The following ZC3H12D variants were observed in gnomAD, a reference collection of about 807,000 sequenced individuals.
ZC3H12D encodes zinc finger CCCH-type containing 12D, also known as probable ribonuclease ZC3H12D.
ZC3H12D carries 11 observed loss-of-function variants against 24.2 expected under a neutral mutation model. That is an observed-to-expected ratio of 0.46 (90% confidence interval 0.29 to 0.75). ZC3H12D has a LOEUF of 0.75. ZC3H12D is among the 30% of genes least tolerant of loss of function. The pLI, the probability that ZC3H12D is intolerant of heterozygous loss-of-function variation, is 0.11. For missense variants in ZC3H12D, 740 were observed against 767.7 expected (o/e 0.96, Z 0.43); for synonymous variants, 333 against 341.8 (o/e 0.97, Z 0.28).
In ZC3H12D at chr6:149,450,939, G is replaced by A. The variant is rs747649495; in HGVS notation, c.1328C>T (p.Ser443Phe). The change falls in exon 6 of 6, where the codon TCC becomes TTC. Residue 443 changes from serine (S) to phenylalanine (F), a missense_variant. Ser to Phe is a radical substitution (Grantham distance 155). Transcript: ENST00000409806. ...PDDPWARPPR[S>F]DRFPGRSVWA... ...GACGGAGCGCCCAGGGAAGCGGTCGGAGCGGGGTGGACGGGCCCACGGGTC... is the reference window on the plus strand; with the variant it reads ...GACGGAGCGCCCAGGGAAGCGGTCGAAGCGGGGTGGACGGGCCCACGGGTC... 2 of 1,538,954 alleles carry A rather than the reference G, an allele frequency of 1.3e-6. No individual in the cohort carries two copies. The highest frequency in any genetic ancestry group is 2.4e-5 in the South Asian group (2 of 83,896).
Position 149,456,623 on chromosome 6 carries a change from G to GCCCCCCCC in ZC3H12D, c.680+42_680+43insGGGGGGGG. The stretch of plus-strand genomic sequence containing the variant: ...GCCACTGCCTCGACCCCGGCCCCCC[G>GCCCCCCCC]CCCCGCCGCCCCCCAGGGTGTCAGG... On this transcript the variant is annotated intron_variant, in intron 4 of 5. Coordinates refer to ENST00000409806, the MANE Select transcript of ZC3H12D (RefSeq NM_207360.3). This position sits in a 1 kb window ranked among gnomAD's most constrained non-coding sequence, Gnocchi z 4.3. The GCCCCCCCC allele has an allele frequency of 1.3e-5, 10 of 744,580 alleles. No homozygotes were observed. The highest frequency in any genetic ancestry group is 2.0e-5 in the Non-Finnish European group (9 of 456,098). 46.1% of individuals were successfully genotyped at this position (744,580 alleles called of 1,614,324 possible). A position where few individuals can be genotyped will look rare whatever the true frequency, so the allele number is the denominator to read the frequency against.
At chr6:149,454,084 G>T (rs1394865762) in intron 4 of ZC3H12D, among the ~76,000 whole-genome samples, 1 of 152,162 alleles carries the variant, frequency 6.6e-6, no homozygotes, top group Non-Finnish European at 1.5e-5. Context: ...CCACCTCGCA[G>T]ACTTAACCTC....
At chr6:149,482,222 T>G (rs1290345048) in intron 1 of ZC3H12D, among the ~76,000 whole-genome samples, 1 of 152,246 alleles carries the variant, frequency 6.6e-6, no homozygotes, top group Non-Finnish European at 1.5e-5. Flanking sequence ...TTTTTAAAAC[T>G]TCTAAATACG....
At chr6:149,483,187 C>G (rs1243610765) in intron 1 of ZC3H12D, 1 of 152,188 alleles carries the variant, frequency 6.6e-6, no homozygotes, top group Non-Finnish European at 1.5e-5. Flanking sequence ...GAGCTAGAGG[C>G]CCTCAGTGGA....
chr6:149,451,557 G>C lies in ZC3H12D; in HGVS notation c.788-78C>G, dbSNP rs1168059964. ...GGGCGGTGGTTCCTGGTGCATCCGG[G>C]GAGTGCCGGCCCGCGGCCTCTCCGT... On this transcript the variant is annotated intron_variant, in intron 5 of 5. Transcript: ENST00000409806. The C allele has an allele frequency of 2.3e-6, 3 of 1,290,104 alleles. No individual in the cohort carries two copies. In the African/African-American group the frequency reaches 4.7e-5, roughly 20 times the overall value. The allele number at this position is 1,290,104 out of a possible 1,614,324, so 79.9% of individuals were successfully genotyped here. A position where few individuals can be genotyped will look rare whatever the true frequency, so the allele number is the denominator to read the frequency against.
chr6:149,462,447 TCTTC>T (rs1562473907), intron 2 of ZC3H12D, among the ~76,000 whole-genome samples: 1 of 152,064 alleles, frequency 6.6e-6, no homozygotes, highest in African/African-American at 2.4e-5. Context: ...GATAGTTCAT[TCTTC>T]CATTTACAAA....
At chr6:149,476,183 T>A (rs984628334) in intron 1 of ZC3H12D, among the ~76,000 whole-genome samples, 1 of 152,218 alleles carries the variant, frequency 6.6e-6, no homozygotes, top group Non-Finnish European at 1.5e-5. Context: ...CTTATACTTA[T>A]TGCTCAGCAA....
chr6:149,464,133 A>T (rs1210199786), intron 2 of ZC3H12D, among the ~76,000 whole-genome samples: 1 of 152,132 alleles, frequency 6.6e-6, no homozygotes, highest in Non-Finnish European at 1.5e-5. Context: ...GGCTGGAGGA[A>T]CTCTGCGACT....
chr6:149,479,949 T>C (rs1776398899), intron 1 of ZC3H12D, among the ~76,000 whole-genome samples: 1 of 152,060 alleles, frequency 6.6e-6, no homozygotes, highest in South Asian at 2.1e-4. Context: ...AAAGAAGAAA[T>C]CTCGAAGTCC....
At position 149,461,973 on chromosome 6, in the gene ZC3H12D, A is replaced by G; in HGVS notation, c.306-3T>C. Reference sequence around the variant, plus strand: ...AGAAGGTTTCTTTATTTCCATGGCTACAATGGGAAAACAAAGAAATCATAG... The same window carrying G: ...AGAAGGTTTCTTTATTTCCATGGCTGCAATGGGAAAACAAAGAAATCATAG... On this transcript the variant is annotated splice_polypyrimidine_tract_variant and splice_region_variant and intron_variant, in intron 2 of 5. Coordinates refer to ENST00000409806, the MANE Select transcript of ZC3H12D (RefSeq NM_207360.3). The G allele has an allele frequency of 2.5e-6, 4 of 1,609,356 alleles. No individual in the cohort carries two copies. The highest frequency in any genetic ancestry group is 3.4e-6 in the Non-Finnish European group (4 of 1,177,952).
chr6:149,480,549 C>T (rs1412982529), intron 1 of ZC3H12D, among the ~76,000 whole-genome samples: 1 of 152,166 alleles, frequency 6.6e-6, no homozygotes, highest in East Asian at 1.9e-4. Flanking sequence ...CCAGCCTGAC[C>T]AACGTGGAGA....
Position 149,474,624 on chromosome 6 carries a change from A to G in ZC3H12D, c.-70-11T>C. The G allele has an allele frequency of 7.8e-7, 1 of 1,283,698 alleles. No individual in the cohort carries two copies. The highest frequency in any genetic ancestry group is 1.5e-5 in the African/African-American group (1 of 67,094). The allele number at this position is 1,283,698 out of a possible 1,614,324, so 79.5% of individuals were successfully genotyped here. A position where few individuals can be genotyped will look rare whatever the true frequency, so the allele number is the denominator to read the frequency against. Reference sequence around the variant, plus strand: ...CCCTGCAGACATGAGCTAAAGAGAAAAAAAATGCATCCATCAGGTGTTTCC... The same window carrying G: ...CCCTGCAGACATGAGCTAAAGAGAAGAAAAATGCATCCATCAGGTGTTTCC... On this transcript the variant is annotated splice_polypyrimidine_tract_variant and intron_variant, in intron 1 of 5. Transcript: ENST00000409806.
At chr6:149,461,755 ATT>A (rs1776075712) in intron 3 of ZC3H12D, 74 bp downstream of exon 3, 2 of 1,431,680 alleles carry the variant, frequency 1.4e-6, no homozygotes, top group Non-Finnish European at 1.9e-6. Context: ...CTAAGTAGAT[ATT>A]TGACTATCGA....
chr6:149,456,622 C>CCCCCCCCCCCCCCCCCCGGGGGCAAG lies in ZC3H12D; in HGVS notation c.680+43_680+44insCTTGCCCCCGGGGGGGGGGGGGGGGG. On this transcript the variant is annotated intron_variant, in intron 4 of 5. Transcript: ENST00000409806. This position sits in a 1 kb window ranked among gnomAD's most constrained non-coding sequence, Gnocchi z 4.3. ...GGCCACTGCCTCGACCCCGGCCCCC[C>CCCCCCCCCCCCCCCCCCGGGGGCAAG]GCCCCGCCGCCCCCCAGGGTGTCAG... 7.6e-7 allele frequency: 1 copy of CCCCCCCCCCCCCCCCCCGGGGGCAAG among 1,314,360 alleles called. No homozygotes were observed. Among genetic ancestry groups the CCCCCCCCCCCCCCCCCCGGGGGCAAG allele is most frequent in the Non-Finnish European group, 1.1e-6 (1 of 921,308 alleles). The allele number at this position is 1,314,360 out of a possible 1,614,324, so 81.4% of individuals were successfully genotyped here. A position where few individuals can be genotyped will look rare whatever the true frequency, so the allele number is the denominator to read the frequency against.
chr6:149,456,778 G>C lies in ZC3H12D; in HGVS notation c.568C>G (p.Gln190Glu), dbSNP rs200917878. Reference sequence around the variant, plus strand: ...TCGTTGGAGACGATGACGCCGTCCTGCTCGTAGGCCACCTTCACGATGTAG... The same window carrying C: ...TCGTTGGAGACGATGACGCCGTCCTCCTCGTAGGCCACCTTCACGATGTAG... ...DRYIVKVAYEQDGVIVSNDNY... is the reference protein window; with the variant it reads ...DRYIVKVAYEEDGVIVSNDNY... The change falls in exon 4 of 6, where the codon CAG (glutamine) becomes GAG (glutamate). Residue 190 changes from glutamine (Q) to glutamate (E), a missense_variant. Physicochemically the swap from Gln to Glu is conservative, Grantham distance 29 (BLOSUM62 2). Transcript: ENST00000409806. This position sits in a 1 kb window ranked among gnomAD's most constrained non-coding sequence, Gnocchi z 4.3. 2 of 1,613,714 alleles carry C rather than the reference G, an allele frequency of 1.2e-6. No homozygotes were observed. The highest frequency in any genetic ancestry group is 2.2e-5 in the South Asian group (2 of 91,082).
At chr6:149,477,713 A>G (rs1776363472) in intron 1 of ZC3H12D, among the ~76,000 whole-genome samples, 1 of 152,118 alleles carries the variant, frequency 6.6e-6, no homozygotes, top group Admixed American at 6.6e-5. Context: ...GCACAGTTAT[A>G]AGTCTGTGAG....
chr6:149,470,536 G>A (rs1478532436), intron 2 of ZC3H12D, among the ~76,000 whole-genome samples: 4 of 147,836 alleles, frequency 2.7e-5, no homozygotes, highest in South Asian at 2.1e-4. Flanking sequence ...TCCGTCTGAA[G>A]AAAAAAAAAA....
At chr6:149,470,469 A>G (rs1314707141) in intron 2 of ZC3H12D, among the ~76,000 whole-genome samples, 1 of 152,112 alleles carries the variant, frequency 6.6e-6, no homozygotes, top group Non-Finnish European at 1.5e-5. Flanking sequence ...CGGGAAGTGG[A>G]GGTTGCAGAG....
chr6:149,475,387 A>G (rs540791486), intron 1 of ZC3H12D, among the ~76,000 whole-genome samples: 2 of 152,266 alleles, frequency 1.3e-5, no homozygotes, highest in South Asian at 2.1e-4. Flanking sequence ...GCTTTCCCTA[A>G]TGATTAACTC....
Sources: allele counts gnomAD v4.1 joint callset (sites outside exome capture counted in the v4.1 genomes callset), GRCh38; gene constraint gnomAD v4.1.1; non-coding constraint Gnocchi (gnomAD v3.1); transcripts MANE v1.5; gene names NCBI Gene and HGNC (gene_info 2026-07-23, HGNC 2026-07-21).